RANBP2: variants seen among roughly 807,000 people sequenced by gnomAD.
RANBP2 encodes RAN binding protein 2.
Under a neutral mutation model 303.6 loss-of-function variants are expected in RANBP2, and 57 were observed. The ratio of observed to expected loss-of-function variants is 0.19; its 90% CI spans 0.15 to 0.23. The LOEUF is 0.23. RANBP2 is among the 10% of genes least tolerant of loss of function. RANBP2 has a pLI of 1.00. For missense variants in RANBP2, 3,138 were observed against 3,780.8 expected (o/e 0.83, Z 4.46); for synonymous variants, 1,167 against 1,301.5 (o/e 0.90, Z 2.23).
chr2:109,065,450 A>G, the RANBP2 span, among the ~76,000 whole-genome samples: 2 of 151,926 alleles, frequency 1.3e-5, no homozygotes, highest in Non-Finnish European at 2.9e-5. Context: ...GTCACTCCCA[A>G]CCCCGCAGCA....
intron 4 of RANBP2, chr2:108,731,747 A>G (rs1695184537): frequency 2.1e-6 from 1 of 480,992 alleles, no homozygotes; most frequent in Non-Finnish European, 3.3e-6. Context: ...TAGAGCTAAG[A>G]TTTACATTAA....
At chr2:108,749,280 G>A in intron 9 of RANBP2, 151 bp downstream of exon 9, 1 of 1,401,182 alleles carries the variant, frequency 7.1e-7, no homozygotes, top group Non-Finnish European at 9.9e-7. Context: ...GTGCTGTGGG[G>A]GTGGCATGTA....
chr2:108,890,142 TTC>T, the RANBP2 span, among the ~76,000 whole-genome samples: 1 of 151,854 alleles, frequency 6.6e-6, no homozygotes, highest in Admixed American at 6.6e-5. Flanking sequence ...TTTTTTTTTT[TTC>T]TTCTCAGCAC....
the RANBP2 span, among the ~76,000 whole-genome samples, chr2:109,073,014 G>C: frequency 6.6e-6 from 1 of 152,112 alleles, no homozygotes; most frequent in African/African-American, 2.4e-5. Context: ...AACCAACACA[G>C]AGAGTCAAAG....
the RANBP2 span, among the ~76,000 whole-genome samples, chr2:108,820,979 A>T: frequency 1.3e-5 from 2 of 151,232 alleles, no homozygotes; most frequent in African/African-American, 4.9e-5. Context: ...ATGTAAGTTG[A>T]TTTTTAATTC....
chr2:109,450,485 T>C, the RANBP2 span, among the ~76,000 whole-genome samples: 1 of 152,228 alleles, frequency 6.6e-6, no homozygotes, highest in Non-Finnish European at 1.5e-5. Context: ...AATGCAAACC[T>C]CAAATCTAAT....
intron 1 of RANBP2, among the ~76,000 whole-genome samples, chr2:108,723,554 C>T (rs565136277): frequency 1.3e-5 from 2 of 152,148 alleles, no homozygotes; most frequent in African/African-American, 4.8e-5. Flanking sequence ...GGGTTACAGG[C>T]GTGAGCCACC....
chr2:109,259,505 C>A, the RANBP2 span, among the ~76,000 whole-genome samples: 1 of 152,202 alleles, frequency 6.6e-6, no homozygotes, highest in Admixed American at 6.5e-5. Flanking sequence ...TCCTTCTGTG[C>A]AAAGTCAGGA....
the RANBP2 span, among the ~76,000 whole-genome samples, chr2:109,247,507 A>C: frequency 6.6e-6 from 1 of 152,264 alleles, no homozygotes; most frequent in East Asian, 1.9e-4. Flanking sequence ...TCCCACCTTA[A>C]GGCAGGCATG....
At chr2:109,259,320 G>C in the RANBP2 span, among the ~76,000 whole-genome samples, 1 of 152,226 alleles carries the variant, frequency 6.6e-6, no homozygotes, top group Admixed American at 6.5e-5. Flanking sequence ...GGCTCTGACA[G>C]TTGAGCCTAC....
the RANBP2 span, among the ~76,000 whole-genome samples, chr2:109,582,434 T>A: frequency 6.6e-6 from 1 of 152,170 alleles, no homozygotes; most frequent in Admixed American, 6.6e-5. Flanking sequence ...ATAGTCCCAC[T>A]TCAGCCTCCC....
At chr2:109,596,302 A>G in the RANBP2 span, among the ~76,000 whole-genome samples, 1 of 152,172 alleles carries the variant, frequency 6.6e-6, no homozygotes, top group Non-Finnish European at 1.5e-5. Flanking sequence ...GTTGATAAGT[A>G]AAATTTGCTT....
the RANBP2 span, chr2:109,490,524 A>G: frequency 8.8e-7 from 1 of 1,137,882 alleles, no homozygotes; most frequent in East Asian, 2.9e-5. Context: ...TCCACATAGG[A>G]AGATGCATTC....
chr2:109,114,887 T>C, the RANBP2 span, among the ~76,000 whole-genome samples: 82 of 152,372 alleles, frequency 5.4e-4, 2 homozygotes, highest in East Asian at 0.015. Flanking sequence ...CATTTCGTTA[T>C]GTACCCAGTA....
At chr2:109,596,861 T>C in the RANBP2 span, among the ~76,000 whole-genome samples, 1 of 152,192 alleles carries the variant, frequency 6.6e-6, no homozygotes, top group Admixed American at 6.5e-5. Flanking sequence ...ATTTCAAATA[T>C]TTTCCACTAG....
the RANBP2 span, among the ~76,000 whole-genome samples, chr2:108,805,647 A>C: frequency 6.6e-6 from 1 of 152,122 alleles, no homozygotes; most frequent in Non-Finnish European, 1.5e-5. Context: ...GAATGTCGTG[A>C]ACCCAGGAGG....
chr2:109,151,206 C>G, the RANBP2 span, among the ~76,000 whole-genome samples: 1 of 152,170 alleles, frequency 6.6e-6, no homozygotes, highest in Non-Finnish European at 1.5e-5. Context: ...TCCAGTGGCC[C>G]AGGACACTGA....
At chr2:108,905,887 C>T in the RANBP2 span, among the ~76,000 whole-genome samples, 1 of 152,142 alleles carries the variant, frequency 6.6e-6, no homozygotes, top group African/African-American at 2.4e-5. Flanking sequence ...CCAGGGCTAT[C>T]AGACATCGGG....
At chr2:109,044,946 AC>A in the RANBP2 span, among the ~76,000 whole-genome samples, 1 of 152,224 alleles carries the variant, frequency 6.6e-6, no homozygotes, top group African/African-American at 2.4e-5. Context: ...AAGGATTATT[AC>A]AGGAAAAGGA....
Sources: gnomAD v4.1 joint callset for allele counts (sites outside exome capture counted in the v4.1 genomes callset) on GRCh38, gnomAD v4.1.1 for gene constraint, MANE v1.5 for transcripts, NCBI Gene and HGNC (gene_info 2026-07-23, HGNC 2026-07-21) for gene names.